CNTN4: variants seen among roughly 807,000 people sequenced by gnomAD.
The protein encoded by CNTN4 is contactin 4.
Under a neutral mutation model 122.5 loss-of-function variants are expected in CNTN4, and 77 were observed. That is an observed-to-expected ratio of 0.63 (90% CI 0.52 to 0.76). The LOEUF (loss-of-function observed/expected upper bound fraction) is 0.76. CNTN4 is among the 30% of genes least tolerant of loss of function. The probability of loss-of-function intolerance (pLI) is 0.00; values close to 1 mark genes in which losing one functional copy is unlikely to be tolerated. For missense variants in CNTN4, 1,256 were observed against 1,259.1 expected (o/e 1.00, Z 0.04); for synonymous variants, 512 against 447.0 (o/e 1.15, Z -1.83).
chr3:2,371,970 C>G (rs762201916), intron 3 of CNTN4, among the ~76,000 whole-genome samples: 19 of 152,302 alleles, frequency 1.2e-4, no homozygotes, highest in Middle Eastern at 6.8e-3. Context: ...TGAGTTAAAA[C>G]CAGCATCTGA....
intron 3 of CNTN4, among the ~76,000 whole-genome samples, chr3:2,546,147 C>A (rs914409820): frequency 2.6e-5 from 4 of 152,040 alleles, no homozygotes; most frequent in African/African-American, 9.7e-5. Flanking sequence ...TAGCATTTGA[C>A]TCAGCAGTCC....
chr3:2,735,347 A>G (rs1268566130), intron 4 of CNTN4, among the ~76,000 whole-genome samples: 1 of 152,204 alleles, frequency 6.6e-6, no homozygotes, highest in Non-Finnish European at 1.5e-5. Context: ...AAGCATGTGT[A>G]CTCGACACTG....
At chr3:2,427,378 A>G (rs1005743874) in intron 3 of CNTN4, among the ~76,000 whole-genome samples, 3 of 152,130 alleles carry the variant, frequency 2.0e-5, no homozygotes, top group African/African-American at 7.2e-5. Context: ...GTAGTTGAGC[A>G]GTTTTGAGTG....
At chr3:2,933,039 G>A (rs1412998337) in intron 13 of CNTN4, among the ~76,000 whole-genome samples, 1 of 152,012 alleles carries the variant, frequency 6.6e-6, no homozygotes, top group Non-Finnish European at 1.5e-5. Context: ...AGCCAGGATG[G>A]TCTCGATCTC....
intron 3 of CNTN4, among the ~76,000 whole-genome samples, chr3:2,540,257 G>A (rs2077980121): frequency 6.6e-6 from 1 of 152,076 alleles, no homozygotes; most frequent in Admixed American, 6.6e-5. Flanking sequence ...GAGGGTAGGT[G>A]TATGTGGTTG....
At chr3:2,296,552 G>C (rs1379400290) in intron 2 of CNTN4, among the ~76,000 whole-genome samples, 1 of 152,106 alleles carries the variant, frequency 6.6e-6, no homozygotes, top group African/African-American at 2.4e-5. Context: ...GTACTAACTG[G>C]AGGAGACCAA....
At chr3:2,512,882 A>G (rs762546856) in intron 3 of CNTN4, among the ~76,000 whole-genome samples, 1 of 152,220 alleles carries the variant, frequency 6.6e-6, no homozygotes, top group Non-Finnish European at 1.5e-5. Flanking sequence ...TGTGAAGTAC[A>G]GAAGCATCTT....
chr3:3,039,250 G>T (rs1699922624), intron 19 of CNTN4: 2 of 423,922 alleles, frequency 4.7e-6, no homozygotes, highest in South Asian at 3.8e-5. Context: ...GACAACACAC[G>T]TTACAAAAAA....
intron 6 of CNTN4, among the ~76,000 whole-genome samples, chr3:2,754,120 C>T (rs190228400): frequency 5.9e-5 from 9 of 152,236 alleles, no homozygotes; most frequent in Admixed American, 2.6e-4. Context: ...TTCTCCCCTA[C>T]ATGTGAGAAA....
At chr3:2,208,985 G>C (rs1171761977) in intron 2 of CNTN4, among the ~76,000 whole-genome samples, 2 of 152,082 alleles carry the variant, frequency 1.3e-5, no homozygotes, top group African/African-American at 2.4e-5. Context: ...CAAAAACTTT[G>C]TGTGCCTCAC....
chr3:2,855,386 C>T (rs1353357648), intron 7 of CNTN4, among the ~76,000 whole-genome samples: 1 of 152,204 alleles, frequency 6.6e-6, no homozygotes, highest in Admixed American at 6.5e-5. Flanking sequence ...TTTTCTATAT[C>T]TCACTTTCCC....
At chr3:2,185,928 T>G (rs139989146) in intron 2 of CNTN4, among the ~76,000 whole-genome samples, 1 of 152,170 alleles carries the variant, frequency 6.6e-6, no homozygotes, top group Non-Finnish European at 1.5e-5. Flanking sequence ...TTTTTTTCTT[T>G]TTTTAATTTT....
chr3:2,857,556 C>T (rs572265920), intron 7 of CNTN4, among the ~76,000 whole-genome samples: 1 of 152,296 alleles, frequency 6.6e-6, no homozygotes, highest in South Asian at 2.1e-4. Context: ...TTTGATCACA[C>T]TGAACAGACT....
intron 15 of CNTN4, among the ~76,000 whole-genome samples, chr3:3,027,889 G>T (rs9836723): frequency 6.6e-6 from 1 of 152,066 alleles, no homozygotes; most frequent in Admixed American, 6.5e-5. Context: ...ACAGCTGTCC[G>T]TAGAGCTGCT....
chr3:2,732,210 G>C (rs1426701278), intron 4 of CNTN4, among the ~76,000 whole-genome samples: 1 of 152,196 alleles, frequency 6.6e-6, no homozygotes, highest in Non-Finnish European at 1.5e-5. Flanking sequence ...TGGAGAGCCA[G>C]GAATAGAAGG....
At position 2,820,961 on chromosome 3, in the gene CNTN4, C is replaced by CTTTTTT. The variant is rs67731967; in HGVS notation, c.454+1393_454+1398dup. Among the ~76,000 whole-genome samples, 48 of 107,550 alleles carry CTTTTTT rather than the reference C, an allele frequency of 4.5e-4. 4 individuals are homozygous for CTTTTTT. Among genetic ancestry groups the CTTTTTT allele is most frequent in the Middle Eastern group, 0.013 (2 of 154 alleles). The allele number at this position is 107,550 out of a possible 152,430, so 70.6% of individuals were successfully genotyped here. ...TTCTCACATGCAACATTTTCTCTTT[C>CTTTTTT]TTTTTTTTTTTTTTTTTTGAGACAG... On this transcript the variant is annotated intron_variant, in intron 7 of 24. Coordinates refer to ENST00000418658, the MANE Select transcript of CNTN4 (RefSeq NM_175607.3).
At chr3:2,546,802 G>T (rs2078264363) in intron 3 of CNTN4, among the ~76,000 whole-genome samples, 2 of 152,034 alleles carry the variant, frequency 1.3e-5, no homozygotes, top group Non-Finnish European at 2.9e-5. Flanking sequence ...GGGCTATCCT[G>T]GCCTTTAAGA....
At chr3:2,905,945 A>G (rs2094226153) in intron 12 of CNTN4, among the ~76,000 whole-genome samples, 1 of 152,246 alleles carries the variant, frequency 6.6e-6, no homozygotes, top group Admixed American at 6.5e-5. Flanking sequence ...TTGACTCCTC[A>G]GTGGATGAAT....
rs1466517733 is a variant in CNTN4 at position 2,166,990 on chromosome 3, ATAG to A, written c.-145+66357_-145+66359del. Among the ~76,000 whole-genome samples, 9 of 152,288 alleles carry A rather than the reference ATAG, an allele frequency of 5.9e-5. No individual in the cohort carries two copies. In the East Asian group the frequency reaches 1.3e-3, roughly 23 times the overall value. On this transcript the variant is annotated intron_variant, in intron 2 of 24. Transcript: ENST00000418658. ...ACTATGAGTGATAGAATGTAGTTTG[ATAG>A]TAGTAATCATTTCACTATGTATATG...
Sources: gnomAD v4.1 joint callset for allele counts (sites outside exome capture counted in the v4.1 genomes callset) on GRCh38, gnomAD v4.1.1 for gene constraint, MANE v1.5 for transcripts, NCBI Gene and HGNC (gene_info 2026-07-23, HGNC 2026-07-21) for gene names.